Variants in UBA5 observed in about 807,000 individuals in gnomAD.
UBA5 encodes the protein ubiquitin like modifier activating enzyme 5.
UBA5 carries 28 observed loss-of-function variants against 52.9 expected under a neutral mutation model. The observed-to-expected ratio is 0.53, with a 90% CI of 0.39 to 0.73. The LOEUF (loss-of-function observed/expected upper bound fraction) is 0.73, where lower values mean the gene tolerates loss of function less well. UBA5 is among the 30% of genes least tolerant of loss of function. UBA5 has a pLI of 0.00. For synonymous variants in UBA5, 135 were observed against 162.1 expected, an observed-to-expected ratio of 0.83 and a Z score of 1.27; for missense variants, 388 against 492.7, an observed-to-expected ratio of 0.79 and a Z score of 2.01.
upstream of UBA5, among the ~76,000 whole-genome samples, chr3:132,655,963 C>T (rs1937769654): frequency 6.6e-6 from 1 of 152,126 alleles, no homozygotes; most frequent in Non-Finnish European, 1.5e-5. Flanking sequence ...ATTGGTAAGG[C>T]ATGAGGAATA....
intron 1 of UBA5, among the ~76,000 whole-genome samples, chr3:132,662,081 C>T (rs1938193668): frequency 6.6e-6 from 1 of 152,158 alleles, no homozygotes; most frequent in Non-Finnish European, 1.5e-5. Context: ...TTTAAGTTGT[C>T]TTTCAGACAT....
At chr3:132,665,040 G>A (rs57374224) in intron 1 of UBA5, among the ~76,000 whole-genome samples, 3,773 of 152,128 alleles carry the variant, frequency 0.025, 144 homozygotes, top group African/African-American at 0.086. Context: ...GTTGTGAAGA[G>A]TTAACATCTA....
chr3:132,670,262 C>A lies in UBA5; in HGVS notation c.472C>A (p.Gln158Lys), dbSNP rs759934449. 6.8e-6 allele frequency: 10 copies of A among 1,464,704 alleles called. 1 individual carries two copies. The highest frequency in any genetic ancestry group is 2.8e-5 in the African/African-American group (2 of 71,012). The allele number at this position is 1,464,704 out of a possible 1,614,324, so 90.7% of individuals were successfully genotyped here. A position where few individuals can be genotyped will look rare whatever the true frequency, so the allele number is the denominator to read the frequency against. The change falls in exon 5 of 12, where the codon CAA (glutamine) becomes AAA (lysine). Residue 158 changes from glutamine (Q) to lysine (K), a missense_variant. Gln to Lys is a moderately conservative substitution (Grantham distance 53, BLOSUM62 1). This residue lies in a region of UBA5 where 277 missense variants were observed against 326.4 expected (regional missense o/e 0.85). Transcript: ENST00000356232. ...TAATATAACCACAGTGGAAAACTTT[C>A]AACATTTCATGGATAGAATAAGGTA... ...NYNITTVENF[Q>K]HFMDRISNGG...
At chr3:132,673,395 T>A (rs992930712) in intron 8 of UBA5, among the ~76,000 whole-genome samples, 1 of 152,010 alleles carries the variant, frequency 6.6e-6, no homozygotes, top group East Asian at 1.9e-4. Context: ...TTGCCCAAGC[T>A]GAAGTTCAGT....
rs1294628711 is a variant in UBA5 at position 132,671,864 on chromosome 3, G to A, written c.667G>A (p.Glu223Lys). 1.2e-6 allele frequency: 2 copies of A among 1,613,144 alleles called. No individual in the cohort carries two copies. The highest frequency in any genetic ancestry group is 4.5e-5 in the East Asian group (2 of 44,864). The change falls in exon 7 of 12, where the codon GAA becomes AAA. Residue 223 changes from glutamate to lysine, a missense_variant. Transcript: ENST00000356232. ...SGHIQLIIPG[E>K]SACFACAPPL... Reference sequence around the variant, plus strand: ...GCATATACAGCTTATAATTCCTGGAGAATCTGCTTGTTTTGCGGTATGCAT... The same window carrying A: ...GCATATACAGCTTATAATTCCTGGAAAATCTGCTTGTTTTGCGGTATGCAT...
intron 10 of UBA5, 25 bp downstream of exon 10, chr3:132,675,705 A>C (rs1938807952): frequency 6.3e-7 from 1 of 1,581,472 alleles, no homozygotes; most frequent in Non-Finnish European, 8.7e-7. Context: ...ATAAATTGAA[A>C]TGGCAGTATA....
At chr3:132,661,049 G>T in intron 1 of UBA5, 18 of 1,315,312 alleles carry the variant, frequency 1.4e-5, no homozygotes, top group East Asian at 4.9e-5. Context: ...ACCTGCTAAG[G>T]TAAACTTTGA....
At chr3:132,670,001 C>T (rs1465615576) in intron 4 of UBA5, among the ~76,000 whole-genome samples, 197 bp from the exon 5 acceptor site, 1 of 152,144 alleles carries the variant, frequency 6.6e-6, no homozygotes, top group Non-Finnish European at 1.5e-5. Context: ...TTTTTTCTTA[C>T]TACAGCTACT....
upstream of UBA5, among the ~76,000 whole-genome samples, chr3:132,658,213 C>A (rs1028599345): frequency 2.0e-5 from 3 of 150,680 alleles, no homozygotes; most frequent in East Asian, 5.9e-4. Flanking sequence ...GTTTCTGAGA[C>A]TTCCTTCATG....
Position 132,671,020 on chromosome 3 carries a change from A to G in UBA5, c.550A>G (p.Asn184Asp), listed in dbSNP as rs1476381318. ...PVDLVLSCVD[N>D]FEARMTINTA... ...TGATCTAGTTCTTAGCTGTGTGGAC[A>G]ATTTTGAAGCTCGAATGACAATAAA... The change falls in exon 6 of 12, where the codon AAT (asparagine) becomes GAT (aspartate). Residue 184 changes from asparagine (N) to aspartate (D), a missense_variant. Physicochemically the swap from Asn to Asp is conservative, Grantham distance 23. Transcript: ENST00000356232. The G allele has an allele frequency of 1.2e-6, 2 of 1,613,334 alleles. No homozygotes were observed. Among genetic ancestry groups the G allele is most frequent in the East Asian group, 2.2e-5 (1 of 44,746 alleles).
intron 8 of UBA5, among the ~76,000 whole-genome samples, chr3:132,673,076 T>C (rs568355117): frequency 1.0e-3 from 156 of 152,252 alleles, no homozygotes; most frequent in Non-Finnish European, 1.9e-3. Context: ...AAAGCATACA[T>C]ATAAACTCTC....
At chr3:132,670,454 G>A (rs1212465534) in intron 5 of UBA5, among the ~76,000 whole-genome samples, 170 bp downstream of exon 5, 7 of 151,930 alleles carry the variant, frequency 4.6e-5, no homozygotes. Flanking sequence ...TCATTTAAAG[G>A]TATATATTGT....
At chr3:132,661,049 G>A (rs1938136541) in intron 1 of UBA5, 2 of 1,315,184 alleles carry the variant, frequency 1.5e-6, no homozygotes, top group African/African-American at 3.0e-5. Flanking sequence ...ACCTGCTAAG[G>A]TAAACTTTGA....
At chr3:132,663,241 CT>C (rs914796746) in intron 1 of UBA5, among the ~76,000 whole-genome samples, 36 of 152,186 alleles carry the variant, frequency 2.4e-4, no homozygotes, top group African/African-American at 8.2e-4. Flanking sequence ...CTAAAAAAAA[CT>C]TTCAGTTGAA....
chr3:132,663,626 G>T (rs1475384434), intron 1 of UBA5, among the ~76,000 whole-genome samples: 3 of 152,138 alleles, frequency 2.0e-5, no homozygotes, highest in East Asian at 1.9e-4. Context: ...GACATTGTGG[G>T]TTTCTCAACT....
chr3:132,660,366 T>G lies in UBA5; in HGVS notation c.-172T>G. On this transcript the variant is annotated 5_prime_UTR_variant, in exon 1 of 12. Coordinates refer to ENST00000356232, the MANE Select transcript of UBA5 (RefSeq NM_024818.6). This position sits in a 1 kb window ranked among gnomAD's most constrained non-coding sequence, Gnocchi z 4.1. The stretch of plus-strand genomic sequence containing the variant: ...GCTCCGAGGAAGGCCTGTGGGAGTC[T>G]CGGAGACGTGTCTGTCTGTGAGGCG... 1 of 795,002 alleles carries G rather than the reference T, an allele frequency of 1.3e-6. No individual in the cohort carries two copies. Among genetic ancestry groups the G allele is most frequent in the East Asian group, 2.7e-5 (1 of 36,474 alleles). The allele number at this position is 795,002 out of a possible 1,614,324, so 49.2% of individuals were successfully genotyped here. A position where few individuals can be genotyped will look rare whatever the true frequency, so the allele number is the denominator to read the frequency against.
Position 132,660,861 on chromosome 3 carries a change from A to G in UBA5, c.161+163A>G, listed in dbSNP as rs1576636974. 9 of 1,446,152 alleles carry G rather than the reference A, an allele frequency of 6.2e-6. No homozygotes were observed. The South Asian group carries it at 1.4e-4, about 22-fold the overall frequency. The allele number at this position is 1,446,152 out of a possible 1,614,324, so 89.6% of individuals were successfully genotyped here. On this transcript the variant is annotated intron_variant, in intron 1 of 11. Transcript: ENST00000356232. The surrounding 1 kb of genome is among the most constrained non-coding windows in gnomAD (Gnocchi z 4.1). ...TGGGCAAGGCCACATCTTAGTACTG[A>G]TCGGAAGATATTCTTTCTCTTTTTT... is the stretch of plus-strand genomic sequence containing the variant.
chr3:132,667,801 T>C (rs1166534782), intron 3 of UBA5: 1 of 152,178 alleles, frequency 6.6e-6, no homozygotes, highest in Non-Finnish European at 1.5e-5. Flanking sequence ...GTTTAATGTT[T>C]CCCGCAACTT....
intron 8 of UBA5, among the ~76,000 whole-genome samples, chr3:132,672,620 C>T (rs1340068262): frequency 6.6e-6 from 1 of 152,066 alleles, no homozygotes; most frequent in Admixed American, 6.5e-5. Flanking sequence ...ACCAATGTGA[C>T]TAAACAGTAA....
Sources: allele counts gnomAD v4.1 joint callset (sites outside exome capture counted in the v4.1 genomes callset), GRCh38; gene constraint gnomAD v4.1.1; regional missense constraint gnomAD v4.1.1; non-coding constraint Gnocchi (gnomAD v3.1); transcripts MANE v1.5; gene names NCBI Gene and HGNC (gene_info 2026-07-23, HGNC 2026-07-21).